The following LAMTOR1 variants were observed in gnomAD, a reference collection of about 807,000 sequenced individuals.
LAMTOR1 encodes late endosomal/lysosomal adaptor, MAPK and MTOR activator 1.
LAMTOR1 carries 8 observed loss-of-function variants against 20.5 expected under a neutral mutation model. That is an observed-to-expected ratio of 0.39 (90% CI 0.23 to 0.70). The LOEUF (loss-of-function observed/expected upper bound fraction) is 0.70. Among genes scored for constraint, LAMTOR1 ranks in the 30% least tolerant of loss-of-function variants. The pLI, the probability that LAMTOR1 is intolerant of heterozygous loss-of-function variation, is 0.43. For missense variants in LAMTOR1, 135 were observed against 206.2 expected (o/e 0.65, Z 2.11); for synonymous variants, 77 against 80.9 (o/e 0.95, Z 0.26).
chr11:72,098,254 G>C, intron 4 of LAMTOR1, 35 bp downstream of exon 4: 1 of 1,610,076 alleles, frequency 6.2e-7, no homozygotes, highest in South Asian at 1.1e-5. Context: ...GGCAGTGTGA[G>C]AAGGGTGGGC....
At chr11:72,101,211 GCTAC>G (rs1945425228) in intron 1 of LAMTOR1, among the ~76,000 whole-genome samples, 2 of 152,336 alleles carry the variant, frequency 1.3e-5, no homozygotes, top group South Asian at 4.1e-4. Context: ...AAGAGGCCAT[GCTAC>G]CTACTTCAGA....
At chr11:72,101,202 A>G (rs778161959) in intron 1 of LAMTOR1, among the ~76,000 whole-genome samples, 2 of 152,246 alleles carry the variant, frequency 1.3e-5, no homozygotes, top group Non-Finnish European at 2.9e-5. Context: ...GACTTAAAGA[A>G]GAGGCCATGC....
chr11:72,103,282 G>A lies in LAMTOR1; in HGVS notation c.-58C>T. 1 of 1,538,060 alleles carries A rather than the reference G, an allele frequency of 6.5e-7. No homozygotes were observed. Among genetic ancestry groups the A allele is most frequent in the South Asian group, 1.2e-5 (1 of 81,892 alleles). On this transcript the variant is annotated 5_prime_UTR_variant, in exon 1 of 5. Coordinates refer to ENST00000278671, the MANE Select transcript of LAMTOR1 (RefSeq NM_017907.3). ...CGAGGAGGGACGGCGTCCGTGAGGA[G>A]CCCTTCCGGTCACATGACCCGCGGC...
Position 72,097,585 on chromosome 11 carries a change from G to A in LAMTOR1, c.*237C>T. Reference sequence around the variant, plus strand: ...CTCAATGACTATGAAGACATACCAGGCTCTGTCCTTTTGGCCCCCACCCCA... The same window carrying A: ...CTCAATGACTATGAAGACATACCAGACTCTGTCCTTTTGGCCCCCACCCCA... On this transcript the variant is annotated 3_prime_UTR_variant, in exon 5 of 5. Transcript: ENST00000278671. 4 of 1,346,312 alleles carry A rather than the reference G, an allele frequency of 3.0e-6. No homozygotes were observed. The highest frequency in any genetic ancestry group is 3.8e-6 in the Non-Finnish European group (4 of 1,044,802). The allele number at this position is 1,346,312 out of a possible 1,614,324, so 83.4% of individuals were successfully genotyped here. A position where few individuals can be genotyped will look rare whatever the true frequency, so the allele number is the denominator to read the frequency against.
chr11:72,100,887 C>G (rs978597253), intron 1 of LAMTOR1, among the ~76,000 whole-genome samples: 2 of 152,226 alleles, frequency 1.3e-5, no homozygotes, highest in Admixed American at 6.5e-5. Context: ...GGGCTTTGCC[C>G]CATCACCTCT....
At chr11:72,101,947 G>A (rs1304732832) in intron 1 of LAMTOR1, among the ~76,000 whole-genome samples, 1 of 152,198 alleles carries the variant, frequency 6.6e-6, no homozygotes, top group Non-Finnish European at 1.5e-5. Flanking sequence ...CCAGTAGGCA[G>A]GGTTATTGTT....
intron 1 of LAMTOR1, 77 bp downstream of exon 1, chr11:72,103,106 C>G: frequency 6.6e-7 from 1 of 1,525,070 alleles, no homozygotes; most frequent in Non-Finnish European, 8.9e-7. Context: ...GCTGCCCGTC[C>G]TCCGCAGGTT....
At chr11:72,099,344 A>G (rs1474852434) in intron 1 of LAMTOR1, 88 bp from the exon 2 acceptor site, 1 of 1,398,134 alleles carries the variant, frequency 7.2e-7, no homozygotes, top group African/African-American at 1.5e-5. Flanking sequence ...CTCTGACCTT[A>G]AACACCAAAA....
intron 1 of LAMTOR1, among the ~76,000 whole-genome samples, chr11:72,101,222 C>T (rs1358406572): frequency 6.6e-6 from 1 of 152,222 alleles, no homozygotes. Flanking sequence ...CTACCTACTT[C>T]AGAGCAGACA....
chr11:72,103,252 C>A lies in LAMTOR1; in HGVS notation c.-28G>T. On this transcript the variant is annotated 5_prime_UTR_variant, in exon 1 of 5. Coordinates refer to ENST00000278671, the MANE Select transcript of LAMTOR1 (RefSeq NM_017907.3). ...CCGGGGTCGGGCCGGGCGCTCAGGC[C>A]GCGCCGAGGAGGGACGGCGTCCGTG... 1 of 1,551,280 alleles carries A rather than the reference C, an allele frequency of 6.4e-7. No homozygotes were observed. The highest frequency in any genetic ancestry group is 8.7e-7 in the Non-Finnish European group (1 of 1,147,204).
Position 72,098,855 on chromosome 11 carries a change from G to A in LAMTOR1, c.192C>T (p.Asn64=), listed in dbSNP as rs1022925007. 4.5e-6 allele frequency: 7 copies of A among 1,549,420 alleles called. No individual in the cohort carries two copies. In the Admixed American group the frequency reaches 1.4e-4, roughly 31 times the overall value. Residue 64 remains asparagine, a synonymous_variant, in exon 3 of 5, where the codon AAC becomes AAT. Coordinates refer to ENST00000278671, the MANE Select transcript of LAMTOR1 (RefSeq NM_017907.3). ...AGTCTGCAGCAGACACATCAATGATGTTGCTATGGGGAGAGGAGACAGAGA... is the reference window on the plus strand; with the variant it reads ...AGTCTGCAGCAGACACATCAATGATATTGCTATGGGGAGAGGAGACAGAGA... ...LSSILAKTAS[N]IIDVSAADSQ...
chr11:72,098,571 C>T, intron 3 of LAMTOR1, 156 bp from the exon 4 acceptor site: 1 of 1,002,334 alleles, frequency 1.0e-6, no homozygotes, highest in Non-Finnish European at 1.5e-6. Flanking sequence ...AATCTAGGCC[C>T]ATCTCCCTTG....
chr11:72,103,239 C>A lies in LAMTOR1; in HGVS notation c.-15G>T, dbSNP rs1222893338. 6.4e-7 allele frequency: 1 copy of A among 1,555,658 alleles called. No homozygotes were observed. Among genetic ancestry groups the A allele is most frequent in the South Asian group, 1.2e-5 (1 of 84,642 alleles). ...CAGCACCCCATGGCCGGGGTCGGGC[C>A]GGGCGCTCAGGCCGCGCCGAGGAGG... On this transcript the variant is annotated 5_prime_UTR_variant, in exon 1 of 5. Coordinates refer to ENST00000278671, the MANE Select transcript of LAMTOR1 (RefSeq NM_017907.3).
Position 72,100,086 on chromosome 11 carries a change from G to A in LAMTOR1, c.43-830C>T, listed in dbSNP as rs533264062. ...GAGACCAGCCTGGGCAACAAAGCAA[G>A]ACCTCGTCTTTGCAAAAAAAAAAAA... On this transcript the variant is annotated intron_variant, in intron 1 of 4. Coordinates refer to ENST00000278671, the MANE Select transcript of LAMTOR1 (RefSeq NM_017907.3). 4.6e-5 allele frequency among the ~76,000 whole-genome samples: 7 copies of A among 151,994 alleles called. No individual in the cohort carries two copies. In the South Asian group the frequency reaches 1.5e-3, roughly 32 times the overall value.
intron 1 of LAMTOR1, 40 bp from the exon 2 acceptor site, chr11:72,099,296 G>A (rs372909657): frequency 1.3e-5 from 20 of 1,511,902 alleles, no homozygotes; most frequent in African/African-American, 8.4e-5. Flanking sequence ...CCCAGGACCC[G>A]TAGATCCTGC....
intron 1 of LAMTOR1, among the ~76,000 whole-genome samples, chr11:72,101,166 C>A (rs1027877474): frequency 6.6e-6 from 1 of 152,164 alleles, no homozygotes; most frequent in African/African-American, 2.4e-5. Flanking sequence ...ATCAAGTGAA[C>A]AACAAGGTTA....
chr11:72,102,379 A>G (rs987232962), intron 1 of LAMTOR1, among the ~76,000 whole-genome samples: 2 of 152,164 alleles, frequency 1.3e-5, no homozygotes, highest in Admixed American at 6.5e-5. Flanking sequence ...AGAATGCACT[A>G]AGAGGAAGAG....
chr11:72,099,066 A>G (rs772863786), intron 2 of LAMTOR1, 45 bp downstream of exon 2: 3 of 1,606,952 alleles, frequency 1.9e-6, no homozygotes, highest in South Asian at 1.1e-5. Context: ...AGCCTTTAAT[A>G]TGGATAGAGG....
At chr11:72,102,776 T>G (rs780326361) in intron 1 of LAMTOR1, among the ~76,000 whole-genome samples, 3 of 152,160 alleles carry the variant, frequency 2.0e-5, no homozygotes, top group Non-Finnish European at 4.4e-5. Context: ...CTGATTCATC[T>G]CAGGACAGAC....
Sources: allele counts gnomAD v4.1 joint callset (sites outside exome capture counted in the v4.1 genomes callset), GRCh38; gene constraint gnomAD v4.1.1; transcripts MANE v1.5; gene names NCBI Gene and HGNC (gene_info 2026-07-23, HGNC 2026-07-21).